The following RBM27 variants were observed in gnomAD, a reference collection of about 807,000 sequenced individuals.
RBM27 encodes the protein RNA binding motif protein 27.
Under a neutral mutation model 135.3 loss-of-function variants are expected in RBM27, and 22 were observed. The ratio of observed to expected loss-of-function variants is 0.16; its 90% CI spans 0.12 to 0.23. The LOEUF is 0.23. RBM27 is among the 10% of genes least tolerant of loss of function. The pLI, the probability that RBM27 is intolerant of heterozygous loss-of-function variation, is 1.00. For synonymous variants in RBM27, 481 were observed against 442.4 expected, an observed-to-expected ratio of 1.09 and a Z score of -1.10; for missense variants, 1,009 against 1,281.0, an observed-to-expected ratio of 0.79 and a Z score of 3.24.
intron 19 of RBM27, among the ~76,000 whole-genome samples, chr5:146,272,094 G>A (rs1758890791): frequency 6.6e-6 from 1 of 152,182 alleles, no homozygotes; most frequent in African/African-American, 2.4e-5. Flanking sequence ...ATTTGCTACA[G>A]GCAAATGTCT....
chr5:146,229,066 AT>A (rs766279701), intron 4 of RBM27, 29 bp downstream of exon 4: 1 of 1,574,156 alleles, frequency 6.4e-7, no homozygotes, highest in South Asian at 1.1e-5. Context: ...TTAGGAAGAC[AT>A]TGATAACTCA....
chr5:146,259,081 C>T (rs1758249459), intron 11 of RBM27, among the ~76,000 whole-genome samples: 1 of 151,644 alleles, frequency 6.6e-6, no homozygotes, highest in African/African-American at 2.4e-5. Flanking sequence ...ATTTCTAATT[C>T]GTACCTACCT....
chr5:146,255,233 T>C (rs1758055498), intron 10 of RBM27, 141 bp downstream of exon 10: 5 of 588,330 alleles, frequency 8.5e-6, no homozygotes, highest in African/African-American at 1.9e-5. Flanking sequence ...GTGCTATGTA[T>C]TAATCTCAGA....
At chr5:146,246,415 G>C (rs902306860) in intron 8 of RBM27, among the ~76,000 whole-genome samples, 1 of 152,144 alleles carries the variant, frequency 6.6e-6, no homozygotes, top group African/African-American at 2.4e-5. Context: ...ATGAACTTGG[G>C]ATGTTTGCAG....
At chr5:146,249,366 C>G (rs1246938302) in intron 8 of RBM27, among the ~76,000 whole-genome samples, 2 of 152,032 alleles carry the variant, frequency 1.3e-5, no homozygotes, top group African/African-American at 4.8e-5. Flanking sequence ...TGTGTGCTTA[C>G]AACTATTTGT....
intron 9 of RBM27, among the ~76,000 whole-genome samples, chr5:146,254,692 A>G (rs1758034637): frequency 6.6e-6 from 1 of 152,220 alleles, no homozygotes; most frequent in African/African-American, 2.4e-5. Flanking sequence ...TAGAGTATAC[A>G]AGAGGATTTA....
chr5:146,279,976 G>A (rs1183298904), intron 19 of RBM27, among the ~76,000 whole-genome samples: 2 of 151,926 alleles, frequency 1.3e-5, no homozygotes, highest in East Asian at 1.9e-4. Context: ...TTACGAAAAT[G>A]TGATCGTATT....
intron 19 of RBM27, among the ~76,000 whole-genome samples, chr5:146,282,162 C>G (rs1759387390): frequency 6.6e-6 from 1 of 151,974 alleles, no homozygotes; most frequent in Admixed American, 6.6e-5. Flanking sequence ...TGTGCCAGTA[C>G]CCCTGGCTAA....
At chr5:146,258,300 G>C (rs374745099) in intron 10 of RBM27, 149 bp from the exon 11 acceptor site, 2 of 503,388 alleles carry the variant, frequency 4.0e-6, no homozygotes, top group South Asian at 8.7e-5. Flanking sequence ...ATAGAAAAAG[G>C]CATTTGTAAC....
In RBM27 at chr5:146,287,553, A is replaced by AT. The variant is rs1759634082; in HGVS notation, c.*1527dup. 1 of 152,048 alleles carries AT rather than the reference A, an allele frequency of 6.6e-6. No homozygotes were observed. The highest frequency in any genetic ancestry group is 1.5e-5 in the Non-Finnish European group (1 of 67,996). 9.4% of individuals were successfully genotyped at this position (152,048 alleles called of 1,614,324 possible). Reference sequence around the variant, plus strand: ...GGTCTTGGTGACCACTATATCAAGGATTTTGTTTGCTGAGGTAAAGACAAT... The same window carrying AT: ...GGTCTTGGTGACCACTATATCAAGGATTTTTGTTTGCTGAGGTAAAGACAAT... On this transcript the variant is annotated 3_prime_UTR_variant, in exon 21 of 21. Coordinates refer to ENST00000265271, the MANE Select transcript of RBM27 (RefSeq NM_018989.2).
At chr5:146,238,240 G>A (rs922061541) in intron 8 of RBM27, among the ~76,000 whole-genome samples, 3 of 152,154 alleles carry the variant, frequency 2.0e-5, no homozygotes, top group Non-Finnish European at 2.9e-5. Context: ...CAGGCGCGGT[G>A]GCTCATGCCT....
At chr5:146,284,582 T>C in intron 19 of RBM27, 40 bp from the exon 20 acceptor site, 1 of 1,294,432 alleles carries the variant, frequency 7.7e-7, no homozygotes, top group Non-Finnish European at 1.1e-6. Flanking sequence ...ATTAGTAAAT[T>C]TGAGTGCAAA....
At chr5:146,212,982 TAATA>T (rs1364375138) in intron 1 of RBM27, among the ~76,000 whole-genome samples, 1 of 152,234 alleles carries the variant, frequency 6.6e-6, no homozygotes, top group African/African-American at 2.4e-5. Context: ...TGTTTTTATT[TAATA>T]AATATATTTT....
chr5:146,212,350 G>A (rs957984006), intron 1 of RBM27, among the ~76,000 whole-genome samples: 1 of 147,640 alleles, frequency 6.8e-6, no homozygotes, highest in East Asian at 2.0e-4. Flanking sequence ...CACCCCGCCC[G>A]GCCCTTGTTT....
At chr5:146,237,043 A>G (rs945879463) in intron 7 of RBM27, among the ~76,000 whole-genome samples, 7 of 141,630 alleles carry the variant, frequency 4.9e-5, no homozygotes, top group Non-Finnish European at 1.0e-4. Context: ...GGTTCAAGCG[A>G]TTCTCCTGCC....
Position 146,254,969 on chromosome 5 carries a change from C to T in RBM27, c.1471C>T (p.Pro491Ser). Residue 491 changes from proline to serine, a missense_variant, in exon 10 of 21, where the codon CCA becomes TCA. Around this residue, in one of 6 missense-constraint regions of RBM27, gnomAD observed 329 missense variants for 368.1 expected, o/e 0.89. Transcript: ENST00000265271. ...PDTYEPDGYNPEAPSITSSGR... is the reference protein window; with the variant it reads ...PDTYEPDGYNSEAPSITSSGR... The stretch of plus-strand genomic sequence containing the variant: ...TACATATGAACCAGATGGTTACAAC[C>T]CAGAAGCTCCTAGTATTACTAGTTC... 1 of 1,593,590 alleles carries T rather than the reference C, an allele frequency of 6.3e-7. No homozygotes were observed. Among genetic ancestry groups the T allele is most frequent in the Non-Finnish European group, 8.6e-7 (1 of 1,164,926 alleles).
intron 19 of RBM27, among the ~76,000 whole-genome samples, chr5:146,274,974 GTTCTTT>G (rs1561567271): frequency 2.0e-5 from 3 of 150,990 alleles, no homozygotes; most frequent in African/African-American, 7.3e-5. Flanking sequence ...TTCCTTTCTA[GTTCTTT>G]TTCTTTTTTT....
At chr5:146,236,218 A>G (rs1757153388) in intron 7 of RBM27, among the ~76,000 whole-genome samples, 1 of 152,200 alleles carries the variant, frequency 6.6e-6, no homozygotes, top group Non-Finnish European at 1.5e-5. Context: ...AAGGACTTGT[A>G]CTTGTATACT....
chr5:146,253,884 G>T (rs902515161), intron 9 of RBM27, among the ~76,000 whole-genome samples: 15 of 152,082 alleles, frequency 9.9e-5, no homozygotes, highest in Admixed American at 3.3e-4. Context: ...CCTAAATGAG[G>T]ATAATTTGCT....
Sources: allele counts gnomAD v4.1 joint callset (sites outside exome capture counted in the v4.1 genomes callset), GRCh38; gene constraint gnomAD v4.1.1; regional missense constraint gnomAD v4.1.1; transcripts MANE v1.5; gene names NCBI Gene and HGNC (gene_info 2026-07-23, HGNC 2026-07-21).